Variants in NFATC1 observed in about 807,000 individuals in gnomAD.
The protein encoded by NFATC1 is nuclear factor of activated T cells 1.
NFATC1 carries 22 observed loss-of-function variants against 76.0 expected under a neutral mutation model. The ratio of observed to expected loss-of-function variants is 0.29; its 90% CI spans 0.21 to 0.41. The LOEUF (loss-of-function observed/expected upper bound fraction) is 0.41, where lower values mean the gene tolerates loss of function less well. Ranked by LOEUF, NFATC1 falls within the 10% of genes least tolerant of loss-of-function variation. The pLI is 1.00. For missense variants in NFATC1, 1,357 were observed against 1,337.7 expected, an observed-to-expected ratio of 1.01 and a Z score of -0.23; for synonymous variants, 704 against 613.1, an observed-to-expected ratio of 1.15 and a Z score of -2.19.
At chr18:79,446,862 C>A (rs2087227100) in intron 3 of NFATC1, among the ~76,000 whole-genome samples, 1 of 152,196 alleles carries the variant, frequency 6.6e-6, no homozygotes, top group Non-Finnish European at 1.5e-5. Context: ...TGTGGCTTCC[C>A]CACCGTGTTC....
intron 7 of NFATC1, among the ~76,000 whole-genome samples, chr18:79,462,489 A>G (rs2088162306): frequency 6.6e-6 from 1 of 152,100 alleles, no homozygotes; most frequent in Non-Finnish European, 1.5e-5. Flanking sequence ...ATTTTAGTAG[A>G]GATGGGGTTT....
chr18:79,501,369 C>T (rs989172945), intron 9 of NFATC1, among the ~76,000 whole-genome samples: 10 of 152,168 alleles, frequency 6.6e-5, no homozygotes, highest in African/African-American at 2.4e-4. Context: ...AAACAGTGAT[C>T]ATCACACTGA....
At chr18:79,420,601 G>T (rs527850296) in intron 2 of NFATC1, among the ~76,000 whole-genome samples, 1 of 132,616 alleles carries the variant, frequency 7.5e-6, no homozygotes, top group African/African-American at 2.9e-5. Flanking sequence ...ATGCGTTTCC[G>T]GGAGACGTCG....
intron 2 of NFATC1, 74 bp downstream of exon 2, chr18:79,411,575 CG>C (rs1263468300): frequency 5.6e-6 from 4 of 716,832 alleles, no homozygotes; most frequent in African/African-American, 1.9e-5. Context: ...GGGAGCGGGA[CG>C]GGGGGCGGCG....
At chr18:79,473,121 C>A (rs2088854063) in intron 8 of NFATC1, among the ~76,000 whole-genome samples, 1 of 152,254 alleles carries the variant, frequency 6.6e-6, no homozygotes, top group Non-Finnish European at 1.5e-5. Context: ...ATGATGCTGA[C>A]ATTTCCAGCC....
At position 79,510,004 on chromosome 18, in the gene NFATC1, A is replaced by C. The variant is rs1200329539; in HGVS notation, c.2783-17524A>C. Among the ~76,000 whole-genome samples, 3 of 152,248 alleles carry C rather than the reference A, an allele frequency of 2.0e-5. No individual in the cohort carries two copies. The East Asian group carries it at 5.8e-4, about 29-fold the overall frequency. On this transcript the variant is annotated intron_variant, in intron 9 of 9. Coordinates refer to ENST00000427363, the MANE Select transcript of NFATC1 (RefSeq NM_001278669.2). Reference sequence around the variant, plus strand: ...ATCTTTGGTCCTTTATTGTGAACAGACATCTCGAAAGAGCCTGTGTCTCCA... The same window carrying C: ...ATCTTTGGTCCTTTATTGTGAACAGCCATCTCGAAAGAGCCTGTGTCTCCA...
chr18:79,515,180 A>T (rs1163597535), intron 9 of NFATC1, among the ~76,000 whole-genome samples: 1 of 151,870 alleles, frequency 6.6e-6, no homozygotes, highest in Non-Finnish European at 1.5e-5. Flanking sequence ...CCCCATCTCT[A>T]CTAAAAATAC....
In NFATC1 at chr18:79,451,137, G is replaced by A. The variant is rs377620390; in HGVS notation, c.1762+11G>A. On this transcript the variant is annotated intron_variant, in intron 5 of 9. Coordinates refer to ENST00000427363, the MANE Select transcript of NFATC1 (RefSeq NM_001278669.2). ...ACCCCATCGAATGCTGTAAGTGGAC[G>A]TCCACGCGCCCACAGGGGAGGAAAC... is the stretch of plus-strand genomic sequence containing the variant. 9.4e-6 allele frequency: 15 copies of A among 1,602,108 alleles called. No homozygotes were observed. Among genetic ancestry groups the A allele is most frequent in the South Asian group, 7.7e-5 (7 of 90,620 alleles).
chr18:79,507,939 C>T (rs2090154874), intron 9 of NFATC1, among the ~76,000 whole-genome samples: 2 of 152,246 alleles, frequency 1.3e-5, no homozygotes, highest in Admixed American at 6.5e-5. Flanking sequence ...CAGCCGCAGT[C>T]GCCGCGTCAG....
At chr18:79,409,068 CCATT>C (rs1436867774) in intron 1 of NFATC1, among the ~76,000 whole-genome samples, 2 of 88,152 alleles carry the variant, frequency 2.3e-5, no homozygotes, top group African/African-American at 6.1e-5. Flanking sequence ...CATTCCCTAT[CCATT>C]CATTCATCAT....
intron 9 of NFATC1, among the ~76,000 whole-genome samples, chr18:79,509,275 T>C (rs1454449680): frequency 6.6e-6 from 1 of 152,192 alleles, no homozygotes; most frequent in Non-Finnish European, 1.5e-5. Flanking sequence ...CACCCACATA[T>C]GCAGATGTCC....
chr18:79,419,754 T>C (rs1432370591), intron 2 of NFATC1, among the ~76,000 whole-genome samples: 8 of 152,208 alleles, frequency 5.3e-5, no homozygotes, highest in Admixed American at 3.3e-4. Flanking sequence ...TGCGCCAACG[T>C]TGGCTTTTGA....
In NFATC1 at chr18:79,486,615, C is replaced by A. The variant is rs770722608; in HGVS notation, c.2460C>A (p.Ala820=). The A allele has an allele frequency of 3.1e-6, 5 of 1,597,838 alleles. No homozygotes were observed. Among genetic ancestry groups the A allele is most frequent in the South Asian group, 1.1e-5 (1 of 90,360 alleles). The change falls in exon 9 of 10, where the codon GCC becomes GCA. Residue 820 remains alanine (A), a synonymous_variant. Coordinates refer to ENST00000427363, the MANE Select transcript of NFATC1 (RefSeq NM_001278669.2). ...HPGSPGQPPP[A]LLPQQVSAPP... is the part of the protein sequence containing the mutation. ...GCTCGCCCGGGCAGCCACCCCCGGC[C>A]CTGCTGCCACAGCAGGTGAGTGCGC...
intron 8 of NFATC1, 136 bp downstream of exon 8, chr18:79,467,718 C>G (rs535969949): frequency 3.7e-6 from 5 of 1,342,754 alleles, no homozygotes; most frequent in Admixed American, 3.3e-5. Flanking sequence ...TTAGTGAGAC[C>G]GAGCCATCGA....
chr18:79,455,776 TCC>T (rs1568984208), intron 6 of NFATC1, among the ~76,000 whole-genome samples: 21 of 10,918 alleles, frequency 1.9e-3, no homozygotes, highest in Admixed American at 0.017. Context: ...GGCCGCCCCA[TCC>T]CACGGCCGCC....
At chr18:79,440,944 C>T (rs1056484970) in intron 3 of NFATC1, among the ~76,000 whole-genome samples, 5 of 152,212 alleles carry the variant, frequency 3.3e-5, no homozygotes, top group Non-Finnish European at 5.9e-5. Flanking sequence ...CACCCATGGG[C>T]GTGTGCCCGT....
chr18:79,474,134 G>A (rs2088921711), intron 8 of NFATC1, among the ~76,000 whole-genome samples: 1 of 142,656 alleles, frequency 7.0e-6, no homozygotes, highest in African/African-American at 2.8e-5. Context: ...CACGCTCGCT[G>A]TCGACGTTGT....
chr18:79,435,817 G>A (rs919702134), intron 3 of NFATC1, among the ~76,000 whole-genome samples: 7 of 152,246 alleles, frequency 4.6e-5, no homozygotes, highest in African/African-American at 1.7e-4. Context: ...CGACACGGGA[G>A]AGGCTGGCTC....
At chr18:79,399,938 T>C (rs2085129081) in intron 1 of NFATC1, among the ~76,000 whole-genome samples, 1 of 151,948 alleles carries the variant, frequency 6.6e-6, no homozygotes, top group African/African-American at 2.4e-5. Context: ...TGCAGCCGCT[T>C]TCCCGAGGAG....
Sources: gnomAD v4.1 joint callset for allele counts (sites outside exome capture counted in the v4.1 genomes callset) on GRCh38, gnomAD v4.1.1 for gene constraint, MANE v1.5 for transcripts, NCBI Gene and HGNC (gene_info 2026-07-23, HGNC 2026-07-21) for gene names.